The following IL1RAPL1 variants were observed in gnomAD, a reference collection of about 807,000 sequenced individuals.
IL1RAPL1 encodes the protein interleukin 1 receptor accessory protein like 1, also known as interleukin-1 receptor accessory protein-like 1.
IL1RAPL1 carries 3 observed loss-of-function variants against 48.4 expected under a neutral mutation model. That is an observed-to-expected ratio of 0.06 (90% CI 0.03 to 0.16). IL1RAPL1 has a LOEUF of 0.16. Among genes scored for constraint, IL1RAPL1 ranks in the 10% least tolerant of loss-of-function variants. The pLI is 1.00. For missense variants in IL1RAPL1, 349 were observed against 530.6 expected (o/e 0.66, Z 3.36); for synonymous variants, 185 against 187.7 (o/e 0.99, Z 0.12).
intron 2 of IL1RAPL1, among the ~76,000 whole-genome samples, chrX:29,024,653 T>C (rs770664080): frequency 8.9e-6 from 1 of 112,200 alleles, no homozygotes; most frequent in Non-Finnish European, 1.9e-5. Flanking sequence ...GCAATGTCTT[T>C]GGCTCACATA....
chrX:28,987,916 G>A (rs906947553), intron 2 of IL1RAPL1, among the ~76,000 whole-genome samples: 5 of 111,880 alleles, frequency 4.5e-5, no homozygotes, highest in Admixed American at 9.5e-5. Flanking sequence ...TTTTGAGCAA[G>A]CCACAGTGGG....
At chrX:29,888,586 T>C (rs752616762) in intron 6 of IL1RAPL1, among the ~76,000 whole-genome samples, 1 of 111,295 alleles carries the variant, frequency 9.0e-6, no homozygotes, top group South Asian at 3.8e-4. Flanking sequence ...AGCTCTGCCT[T>C]TCATGACCCT....
At chrX:28,692,897 TC>T (rs1935194912) in intron 1 of IL1RAPL1, among the ~76,000 whole-genome samples, 1 of 111,658 alleles carries the variant, frequency 9.0e-6, no homozygotes, top group South Asian at 3.7e-4. Context: ...AATTGACAAA[TC>T]ATACTTGTAT....
At chrX:29,826,436 A>G (rs1930740840) in intron 6 of IL1RAPL1, among the ~76,000 whole-genome samples, 1 of 111,736 alleles carries the variant, frequency 8.9e-6, no homozygotes, top group South Asian at 3.7e-4. Context: ...TAAAGTGTTC[A>G]ATTATTTATA....
intron 2 of IL1RAPL1, among the ~76,000 whole-genome samples, chrX:29,036,666 T>G (rs1024778802): frequency 8.9e-6 from 1 of 111,967 alleles, no homozygotes; most frequent in Non-Finnish European, 1.9e-5. Context: ...TTGGGAATTA[T>G]GATTCCTTTA....
chrX:28,913,351 C>A lies in IL1RAPL1; in HGVS notation c.82+123926C>A, dbSNP rs1014196245. On this transcript the variant is annotated intron_variant, in intron 2 of 10. Coordinates refer to ENST00000378993, the MANE Select transcript of IL1RAPL1 (RefSeq NM_014271.4). Reference sequence around the variant, plus strand: ...TCTGGCCAGTTTATGCTGACTACATCCATTTTTGAATTACATACATAATTT... The same window carrying A: ...TCTGGCCAGTTTATGCTGACTACATACATTTTTGAATTACATACATAATTT... Among the ~76,000 whole-genome samples, 3 of 111,594 alleles carry A rather than the reference C, an allele frequency of 2.7e-5. No homozygotes were observed. The East Asian group carries it at 8.4e-4, about 31-fold the overall frequency.
At chrX:29,031,692 G>A (rs1247826821) in intron 2 of IL1RAPL1, among the ~76,000 whole-genome samples, 1 of 111,402 alleles carries the variant, frequency 9.0e-6, no homozygotes, top group Admixed American at 9.6e-5. Flanking sequence ...GCTATTATTG[G>A]TAACTATCTT....
At chrX:28,730,524 A>T (rs1935741241) in intron 1 of IL1RAPL1, among the ~76,000 whole-genome samples, 3 of 111,919 alleles carry the variant, frequency 2.7e-5, no homozygotes, top group South Asian at 7.4e-4. Context: ...AAAAAGCTAC[A>T]TCATAAGTAA....
chrX:29,763,186 C>T (rs972248471), intron 6 of IL1RAPL1, among the ~76,000 whole-genome samples: 1 of 109,699 alleles, frequency 9.1e-6, no homozygotes, highest in Non-Finnish European at 1.9e-5. Flanking sequence ...AGCTCTTGTG[C>T]GATAGTATCA....
intron 5 of IL1RAPL1, among the ~76,000 whole-genome samples, chrX:29,409,085 C>G (rs1215179467): frequency 9.0e-6 from 1 of 111,561 alleles, no homozygotes; most frequent in Non-Finnish European, 1.9e-5. Context: ...TATTTTATTT[C>G]TCCTTTAAAA....
rs928540149 is a variant in IL1RAPL1 at position 28,765,614 on chromosome X, T to G, written c.-24-23706T>G. Among the ~76,000 whole-genome samples, 10 of 111,735 alleles carry G rather than the reference T, an allele frequency of 8.9e-5. No individual in the cohort carries two copies. The East Asian group carries it at 2.5e-3, about 28-fold the overall frequency. ...TTTGGTATACTATCTGGTATTTATCTTTATTTAATCTTTGGATAATATGTA... is the reference window on the plus strand; with the variant it reads ...TTTGGTATACTATCTGGTATTTATCGTTATTTAATCTTTGGATAATATGTA... On this transcript the variant is annotated intron_variant, in intron 1 of 10. Transcript: ENST00000378993.
At chrX:29,101,765 G>T (rs149745997) in intron 2 of IL1RAPL1, among the ~76,000 whole-genome samples, 167 of 110,714 alleles carry the variant, frequency 1.5e-3, no homozygotes, top group African/African-American at 5.2e-3. Context: ...GTGAAACTCC[G>T]TCTCTGCTAA....
chrX:29,920,221 T>C, intron 8 of IL1RAPL1, 127 bp downstream of exon 8: 1 of 867,339 alleles, frequency 1.2e-6, no homozygotes, highest in South Asian at 2.2e-5. Flanking sequence ...AATAATCATA[T>C]TTGCATTAGA....
At chrX:29,574,749 T>A (rs1166126545) in intron 5 of IL1RAPL1, among the ~76,000 whole-genome samples, 4 of 111,707 alleles carry the variant, frequency 3.6e-5, no homozygotes, top group East Asian at 2.8e-4. Flanking sequence ...AGTTCCAGTT[T>A]CAGATCATCC....
At chrX:29,748,372 A>G (rs756182834) in intron 6 of IL1RAPL1, among the ~76,000 whole-genome samples, 2 of 112,426 alleles carry the variant, frequency 1.8e-5, no homozygotes, top group African/African-American at 6.4e-5. Flanking sequence ...AAGCCAATAA[A>G]ATGTACAATA....
chrX:28,825,347 G>A (rs1040716057), intron 2 of IL1RAPL1, among the ~76,000 whole-genome samples: 3 of 111,302 alleles, frequency 2.7e-5, no homozygotes, highest in African/African-American at 9.8e-5. Flanking sequence ...TGGCACAATA[G>A]CATGAGAGCC....
intron 6 of IL1RAPL1, among the ~76,000 whole-genome samples, chrX:29,714,577 G>A (rs1927433606): frequency 8.9e-6 from 1 of 111,840 alleles, no homozygotes; most frequent in Admixed American, 9.5e-5. Flanking sequence ...ATATTGGTTT[G>A]GAAGGAGACA....
intron 5 of IL1RAPL1, among the ~76,000 whole-genome samples, chrX:29,461,777 T>C (rs1334366738): frequency 2.7e-5 from 3 of 112,327 alleles, no homozygotes; most frequent in Non-Finnish European, 5.6e-5. Context: ...GTAGGTATTT[T>C]ATTATTTCCA....
chrX:29,252,287 A>C (rs909497728), intron 2 of IL1RAPL1, among the ~76,000 whole-genome samples: 1 of 113,607 alleles, frequency 8.8e-6, no homozygotes, highest in Non-Finnish European at 1.9e-5. Context: ...AAAAAAGAAA[A>C]AAAAAAAGAA....
Sources: gnomAD v4.1 joint callset for allele counts (sites outside exome capture counted in the v4.1 genomes callset) on GRCh38, gnomAD v4.1.1 for gene constraint, MANE v1.5 for transcripts, NCBI Gene and HGNC (gene_info 2026-07-23, HGNC 2026-07-21) for gene names.